Variants in CORO1C observed in about 807,000 individuals in gnomAD.
The protein encoded by CORO1C is coronin 1C.
A neutral mutation model predicts 51.2 loss-of-function variants in CORO1C; 14 were observed. The ratio of observed to expected loss-of-function variants is 0.27; its 90% CI spans 0.18 to 0.43. CORO1C has a LOEUF of 0.43. Among genes scored for constraint, CORO1C ranks in the 20% least tolerant of loss-of-function variants. The pLI, the probability that CORO1C is intolerant of heterozygous loss-of-function variation, is 1.00. For missense variants in CORO1C, 417 were observed against 607.8 expected, an observed-to-expected ratio of 0.69 and a Z score of 3.30; for synonymous variants, 181 against 210.5, an observed-to-expected ratio of 0.86 and a Z score of 1.21.
At chr12:108,693,844 A>T (rs78603070) in intron 2 of CORO1C, among the ~76,000 whole-genome samples, 1 of 147,916 alleles carries the variant, frequency 6.8e-6, no homozygotes, top group African/African-American at 2.5e-5. Flanking sequence ...TACGCAGAGG[A>T]AAAAAAAAAA....
intron 1 of CORO1C, among the ~76,000 whole-genome samples, chr12:108,722,089 C>T (rs899459074): frequency 6.6e-6 from 1 of 152,122 alleles, no homozygotes; most frequent in Non-Finnish European, 1.5e-5. Flanking sequence ...CTCAACTTTC[C>T]CCTTGAAACC....
intron 2 of CORO1C, among the ~76,000 whole-genome samples, chr12:108,678,718 T>TA (rs5800834): frequency 0.14 from 15,923 of 113,548 alleles, 1,437 homozygotes; most frequent in Admixed American, 0.26. Flanking sequence ...TTCCATGGCT[T>TA]AAAAAAAAAA....
chr12:108,726,582 G>A (rs2035598423), intron 1 of CORO1C, among the ~76,000 whole-genome samples: 2 of 151,562 alleles, frequency 1.3e-5, no homozygotes, highest in South Asian at 2.1e-4. Context: ...GGCTAAGGTA[G>A]GAGACTTGCT....
chr12:108,653,020 T>A (rs1247411495), intron 7 of CORO1C: 1 of 152,772 alleles, frequency 6.5e-6, no homozygotes, highest in Non-Finnish European at 1.5e-5. Context: ...CAAATAATTG[T>A]CACACAGTTA....
intron 2 of CORO1C, among the ~76,000 whole-genome samples, chr12:108,684,016 C>G (rs147968731): frequency 6.6e-6 from 1 of 152,266 alleles, no homozygotes; most frequent in African/African-American, 2.4e-5. Context: ...AAACCAAATT[C>G]AGCAGTGTGA....
At chr12:108,720,084 G>A (rs550684574) in intron 1 of CORO1C, among the ~76,000 whole-genome samples, 1 of 152,248 alleles carries the variant, frequency 6.6e-6, no homozygotes, top group Admixed American at 6.5e-5. Flanking sequence ...TACTCGAGAG[G>A]CTGAGGTGGG....
intron 1 of CORO1C, among the ~76,000 whole-genome samples, chr12:108,725,598 T>C (rs1260578397): frequency 1.3e-5 from 2 of 152,088 alleles, no homozygotes; most frequent in Non-Finnish European, 2.9e-5. Flanking sequence ...ACGGCCTCAG[T>C]TCCCCTAAAT....
chr12:108,704,370 G>T (rs1340074750), intron 1 of CORO1C, among the ~76,000 whole-genome samples: 1 of 152,060 alleles, frequency 6.6e-6, no homozygotes, highest in East Asian at 1.9e-4. Context: ...TACTCGGGAG[G>T]CTGAGGGAAG....
Position 108,658,106 on chromosome 12 carries a change from G to A in CORO1C, c.630+632C>T, listed in dbSNP as rs781091738. The stretch of plus-strand genomic sequence containing the variant: ...AAATGTCCATCTTTTGTCAAGGTAT[G>A]TGATTTTGTTGAGGTCCAGTTTGGG... On this transcript the variant is annotated intron_variant, in intron 5 of 10. Transcript: ENST00000261401. This position sits in a 1 kb window ranked among gnomAD's most constrained non-coding sequence, Gnocchi z 4.9. 2.6e-4 allele frequency among the ~76,000 whole-genome samples: 39 copies of A among 152,234 alleles called. No homozygotes were observed. Among genetic ancestry groups the A allele is most frequent in the Non-Finnish European group, 5.0e-4 (34 of 68,042 alleles).
intron 1 of CORO1C, among the ~76,000 whole-genome samples, chr12:108,711,273 G>A (rs771129135): frequency 9.2e-5 from 14 of 152,250 alleles, no homozygotes; most frequent in Admixed American, 3.3e-4. Flanking sequence ...GGGGAGCTGA[G>A]GTGGGAGGAC....
At chr12:108,683,356 T>C (rs151029853) in intron 2 of CORO1C, among the ~76,000 whole-genome samples, 10 of 149,566 alleles carry the variant, frequency 6.7e-5, no homozygotes, top group African/African-American at 2.2e-4. Flanking sequence ...GAGGCAGAGG[T>C]TGCAGTGAGC....
intron 5 of CORO1C, 148 bp from the exon 6 acceptor site, chr12:108,657,571 C>A: frequency 1.3e-6 from 1 of 744,556 alleles, no homozygotes. Context: ...CCCCCTTCCC[C>A]AGATGAGGAA....
chr12:108,691,298 C>T (rs532795438), intron 2 of CORO1C, among the ~76,000 whole-genome samples: 6 of 152,254 alleles, frequency 3.9e-5, no homozygotes, highest in East Asian at 1.9e-4. Flanking sequence ...CCCTAATGGG[C>T]GAAGATATTC....
At chr12:108,656,199 A>G (rs1377490433) in intron 6 of CORO1C, among the ~76,000 whole-genome samples, 64 of 81,372 alleles carry the variant, frequency 7.9e-4, no homozygotes, top group South Asian at 1.0e-3. Flanking sequence ...GCCCCGTCTG[A>G]GAAGTGAGGA....
intron 2 of CORO1C, among the ~76,000 whole-genome samples, chr12:108,689,116 C>T (rs1198352706): frequency 6.6e-6 from 1 of 151,908 alleles, no homozygotes; most frequent in Non-Finnish European, 1.5e-5. Context: ...GGGAGAATCA[C>T]TTGAACCCGG....
chr12:108,654,082 T>C (rs1204952206), intron 7 of CORO1C, among the ~76,000 whole-genome samples: 4 of 152,166 alleles, frequency 2.6e-5, no homozygotes, highest in African/African-American at 9.7e-5. Context: ...TCTGCTTCAG[T>C]CAAAAGTATG....
chr12:108,720,624 G>T lies in CORO1C; in HGVS notation c.-6+10805C>A, dbSNP rs374475355. On this transcript the variant is annotated intron_variant, in intron 1 of 10. Transcript: ENST00000261401. ...CTGCAAGCTCTGTCTCCGAGTTCAT[G>T]CCATTTTCCTGCCCTCAGCCTCCTG... 1.4e-3 allele frequency among the ~76,000 whole-genome samples: 212 copies of T among 152,080 alleles called. 4 individuals carry two copies. In the South Asian group the frequency reaches 0.027, roughly 20 times the overall value.
chr12:108,680,875 G>C (rs1390364682), intron 2 of CORO1C, among the ~76,000 whole-genome samples: 2 of 152,178 alleles, frequency 1.3e-5, no homozygotes, highest in Admixed American at 1.3e-4. Context: ...TTGCATCCTT[G>C]AGTTACTACC....
intron 8 of CORO1C, 161 bp from the exon 9 acceptor site, chr12:108,649,181 C>T (rs1039277690): frequency 2.0e-5 from 15 of 747,876 alleles, no homozygotes; most frequent in South Asian, 1.8e-4. Context: ...TTAGTGTTCC[C>T]GGTTGACAGA....
Sources: gnomAD v4.1 joint callset for allele counts (sites outside exome capture counted in the v4.1 genomes callset) on GRCh38, gnomAD v4.1.1 for gene constraint, Gnocchi (gnomAD v3.1) non-coding constraint, MANE v1.5 for transcripts, NCBI Gene and HGNC (gene_info 2026-07-23, HGNC 2026-07-21) for gene names.